MAD1L1: variants seen among roughly 807,000 people sequenced by gnomAD.
MAD1L1 encodes mitotic spindle assembly checkpoint protein MAD1.
A neutral mutation model predicts 96.9 loss-of-function variants in MAD1L1; 95 were observed. The observed-to-expected ratio is 0.98, with a 90% CI of 0.83 to 1.16. MAD1L1 has a LOEUF of 1.16. MAD1L1 is among the 50% of genes most tolerant of loss of function. MAD1L1 has a pLI of 0.00. For missense variants in MAD1L1, 1,007 were observed against 954.4 expected (o/e 1.06, Z -0.73); for synonymous variants, 473 against 396.6 (o/e 1.19, Z -2.29).
At chr7:1,885,809 C>T (rs1785981402) in intron 18 of MAD1L1, among the ~76,000 whole-genome samples, 1 of 152,208 alleles carries the variant, frequency 6.6e-6, no homozygotes, top group African/African-American at 2.4e-5. Flanking sequence ...TGTCTCTCTC[C>T]CTCCAGCCTG....
intron 17 of MAD1L1, among the ~76,000 whole-genome samples, chr7:1,932,275 C>T (rs1273222105): frequency 2.0e-5 from 3 of 152,246 alleles, no homozygotes; most frequent in South Asian, 2.1e-4. Context: ...GTTCTGGCCC[C>T]TGCCGGCTGC....
At chr7:1,942,486 G>C (rs552354886) in intron 16 of MAD1L1, among the ~76,000 whole-genome samples, 115 of 152,312 alleles carry the variant, frequency 7.6e-4, no homozygotes, top group African/African-American at 2.1e-3. Flanking sequence ...GGGGTAATGG[G>C]AGCCCTGTGC....
Position 2,146,720 on chromosome 7 carries a change from G to A in MAD1L1, c.1073+2432C>T, listed in dbSNP as rs1218980652. 2.0e-5 allele frequency among the ~76,000 whole-genome samples: 3 copies of A among 152,206 alleles called. No individual in the cohort carries two copies. Among genetic ancestry groups the A allele is most frequent in the African/African-American group, 7.2e-5 (3 of 41,454 alleles). On this transcript the variant is annotated intron_variant, in intron 11 of 18. Transcript: ENST00000265854. The surrounding 1 kb of genome is among the most constrained non-coding windows in gnomAD (Gnocchi z 6.2). The stretch of plus-strand genomic sequence containing the variant: ...CCTGGCAAAGCCCTCGGGGATCTGG[G>A]CCACCGTGGCCTCCCATCTTCTGCC...
At chr7:2,123,757 G>A (rs1227215985) in intron 11 of MAD1L1, among the ~76,000 whole-genome samples, 5 of 152,366 alleles carry the variant, frequency 3.3e-5, no homozygotes, top group South Asian at 4.1e-4. Context: ...GCGTGGTGCT[G>A]CAGGTGAGGA....
At chr7:1,872,214 C>A (rs1283149280) in intron 18 of MAD1L1, among the ~76,000 whole-genome samples, 2 of 152,202 alleles carry the variant, frequency 1.3e-5, no homozygotes, top group Non-Finnish European at 2.9e-5. Flanking sequence ...ACTGTGAGCC[C>A]CACGGGGTGC....
At chr7:1,963,962 C>T (rs1309578488) in intron 15 of MAD1L1, among the ~76,000 whole-genome samples, 1 of 152,192 alleles carries the variant, frequency 6.6e-6, no homozygotes, top group African/African-American at 2.4e-5. Context: ...TTGGGAGCCC[C>T]GCAAGTGCTG....
chr7:2,034,269 T>G (rs993895505), intron 12 of MAD1L1, among the ~76,000 whole-genome samples: 1 of 148,068 alleles, frequency 6.8e-6, no homozygotes, highest in Non-Finnish European at 1.5e-5. Flanking sequence ...CAGGCTGGAG[T>G]GCAATGGTGT....
intron 18 of MAD1L1, among the ~76,000 whole-genome samples, chr7:1,866,681 C>A (rs565468039): frequency 6.6e-6 from 1 of 152,144 alleles, no homozygotes; most frequent in African/African-American, 2.4e-5. Flanking sequence ...TCCTGCTTGG[C>A]GGGAGCGTTG....
At chr7:2,136,297 A>C (rs1562719977) in intron 11 of MAD1L1, among the ~76,000 whole-genome samples, 1 of 152,212 alleles carries the variant, frequency 6.6e-6, no homozygotes, top group Non-Finnish European at 1.5e-5. Flanking sequence ...GCACAGGCTT[A>C]GGAGACAGCC....
At chr7:2,205,188 C>A (rs1292502756) in intron 10 of MAD1L1, among the ~76,000 whole-genome samples, 1 of 147,424 alleles carries the variant, frequency 6.8e-6, no homozygotes, top group Non-Finnish European at 1.5e-5. Flanking sequence ...AAAAATGACA[C>A]CCGTCCTTGT....
At chr7:2,189,281 A>T (rs76584295) in intron 10 of MAD1L1, among the ~76,000 whole-genome samples, 7,227 of 152,268 alleles carry the variant, frequency 0.047, 598 homozygotes, top group African/African-American at 0.16. Context: ...AAAATAGTTA[A>T]AAGTTGAACC....
rs1793470656 is a variant in MAD1L1, at chr7:2,219,442, C to T, written c.486G>A (p.Leu162=). 1.2e-6 allele frequency: 2 copies of T among 1,613,686 alleles called. No individual in the cohort carries two copies. Among genetic ancestry groups the T allele is most frequent in the African/African-American group, 2.7e-5 (2 of 74,890 alleles). Residue 162 remains leucine (L), a synonymous_variant, in exon 6 of 19, where the codon CTG becomes CTA. Transcript: ENST00000265854. ...LAQAGETINA[L]KGRISELQWS... is the part of the protein sequence containing the mutation. ...ACTGCAGTTCCGAGATCCTCCCCTTCAGTGCGTTGATGGTCTAAAAGTAGA... is the reference window on the plus strand; with the variant it reads ...ACTGCAGTTCCGAGATCCTCCCCTTTAGTGCGTTGATGGTCTAAAAGTAGA...
At chr7:1,944,260 TGA>T (rs1162487735) in intron 16 of MAD1L1, among the ~76,000 whole-genome samples, 1 of 152,096 alleles carries the variant, frequency 6.6e-6, no homozygotes, top group East Asian at 1.9e-4. Flanking sequence ...CGGGCTTCCT[TGA>T]GAGGGGATCA....
chr7:2,121,700 C>T (rs1787989080), intron 11 of MAD1L1, among the ~76,000 whole-genome samples: 1 of 152,074 alleles, frequency 6.6e-6, no homozygotes, highest in Non-Finnish European at 1.5e-5. Context: ...GCCTGGGGGC[C>T]AGGAGTCCTC....
chr7:2,039,871 T>C (rs1378047592), intron 12 of MAD1L1, among the ~76,000 whole-genome samples: 2 of 151,928 alleles, frequency 1.3e-5, no homozygotes, highest in African/African-American at 4.8e-5. Context: ...CTTGATGGAG[T>C]CCAACTTCAG....
chr7:2,082,854 G>A lies in MAD1L1; in HGVS notation c.1074-13516C>T, dbSNP rs540785618. On this transcript the variant is annotated intron_variant, in intron 11 of 18. Coordinates refer to ENST00000265854, the MANE Select transcript of MAD1L1 (RefSeq NM_001013836.2). Reference sequence around the variant, plus strand: ...CCGCACGACCACTCCAGCTGCTTCAGCGCTACCTGGGTAATGAAGCACATT... The same window carrying A: ...CCGCACGACCACTCCAGCTGCTTCAACGCTACCTGGGTAATGAAGCACATT... 2.6e-5 allele frequency among the ~76,000 whole-genome samples: 4 copies of A among 152,368 alleles called. No homozygotes were observed. The South Asian group carries it at 8.3e-4, about 32-fold the overall frequency.
chr7:2,166,403 A>G (rs771717886), intron 10 of MAD1L1, among the ~76,000 whole-genome samples: 5 of 152,184 alleles, frequency 3.3e-5, no homozygotes, highest in Non-Finnish European at 4.4e-5. Context: ...CTGGGTTCCA[A>G]TTAAGCCCGT....
intron 10 of MAD1L1, among the ~76,000 whole-genome samples, chr7:2,180,215 C>T (rs879225416): frequency 6.6e-5 from 10 of 152,170 alleles, no homozygotes; most frequent in Middle Eastern, 3.2e-3. Context: ...CGCACAGGCT[C>T]GGAAAGGCCT....
intron 18 of MAD1L1, among the ~76,000 whole-genome samples, chr7:1,860,688 G>A (rs894305387): frequency 9.2e-5 from 14 of 152,134 alleles, no homozygotes; most frequent in Non-Finnish European, 2.1e-4. Flanking sequence ...CATGGCTGCC[G>A]GCCTCAGGGA....
Sources: gnomAD v4.1 joint callset for allele counts (sites outside exome capture counted in the v4.1 genomes callset) on GRCh38, gnomAD v4.1.1 for gene constraint, Gnocchi (gnomAD v3.1) non-coding constraint, MANE v1.5 for transcripts, NCBI Gene and HGNC (gene_info 2026-07-23, HGNC 2026-07-21) for gene names.